Variants in ABCC11 observed in about 807,000 individuals in gnomAD.
ABCC11 encodes the protein ATP-binding cassette sub-family C member 11.
ABCC11 carries 135 observed loss-of-function variants against 149.3 expected under a neutral mutation model. The ratio of observed to expected loss-of-function variants is 0.90; its 90% CI spans 0.79 to 1.04. ABCC11 has a LOEUF of 1.04. Ranked by LOEUF, ABCC11 falls within the 50% of genes least tolerant of loss-of-function variation. The pLI, the probability that ABCC11 is intolerant of heterozygous loss-of-function variation, is 0.00. For synonymous variants in ABCC11, 665 were observed against 671.4 expected (o/e 0.99, Z 0.15); for missense variants, 1,680 against 1,722.1 (o/e 0.98, Z 0.43).
chr16:48,222,879 C>G, intron 5 of ABCC11, 48 bp from the exon 6 acceptor site: 1 of 1,488,066 alleles, frequency 6.7e-7, no homozygotes, highest in Non-Finnish European at 9.3e-7. Flanking sequence ...CTGCCAGACA[C>G]GTTTGATGTT....
intron 3 of ABCC11, among the ~76,000 whole-genome samples, chr16:48,230,177 T>C (rs531332797): frequency 1.5e-3 from 221 of 152,338 alleles, no homozygotes; most frequent in African/African-American, 5.0e-3. Flanking sequence ...AAAGATCACG[T>C]CTGTTTGCTC....
intron 19 of ABCC11, 124 bp from the exon 20 acceptor site, chr16:48,192,841 C>A (rs1045570755): frequency 2.0e-5 from 19 of 934,794 alleles, no homozygotes; most frequent in Non-Finnish European, 2.5e-5. Flanking sequence ...TTTGCCCAAA[C>A]CTCCCTGCTC....
chr16:48,225,870 TAAACAAA>T (rs1173958676), intron 4 of ABCC11, among the ~76,000 whole-genome samples: 1 of 152,194 alleles, frequency 6.6e-6, no homozygotes, highest in Non-Finnish European at 1.5e-5. Context: ...ATCTCATCTT[TAAACAAA>T]AAACAAAAAC....
At chr16:48,170,785 C>G in intron 27 of ABCC11, 104 bp downstream of exon 27, 3 of 1,087,940 alleles carry the variant, frequency 2.8e-6, no homozygotes, top group Non-Finnish European at 4.1e-6. Flanking sequence ...ATCCATGACC[C>G]GAAGCAGCAG....
intron 1 of ABCC11, among the ~76,000 whole-genome samples, chr16:48,234,786 C>G (rs1476531819): frequency 2.6e-5 from 4 of 152,104 alleles, no homozygotes; most frequent in Non-Finnish European, 5.9e-5. Context: ...GAGAACATCC[C>G]CAGGTGAGTG....
rs774423260 is a variant in ABCC11 at position 48,200,381 on chromosome 16, G to T, written c.1977C>A (p.Asp659Glu). The T allele has an allele frequency of 1.9e-6, 3 of 1,614,150 alleles. No homozygotes were observed. Among genetic ancestry groups the T allele is most frequent in the African/African-American group, 1.3e-5 (1 of 74,954 alleles). ...YSDRQIYLLD[D>E]PLSAVDAHVG... is the part of the protein sequence containing the mutation. ...CGTGGGCGTCCACAGCAGACAGGGG[G>T]TCGTCCAGCAGGTAGATCTGACGGT... is the stretch of plus-strand genomic sequence containing the variant. Residue 659 changes from aspartate to glutamate, a missense_variant, in exon 15 of 30, where the codon GAC (aspartate) becomes GAA (glutamate). By Grantham distance (45) the Asp-to-Glu change is conservative. Transcript: ENST00000356608.
chr16:48,230,066 G>T (rs369738390), intron 3 of ABCC11, among the ~76,000 whole-genome samples: 1 of 152,112 alleles, frequency 6.6e-6, no homozygotes, highest in African/African-American at 2.4e-5. Flanking sequence ...CTCAACACTC[G>T]CATACTTCTT....
intron 25 of ABCC11, among the ~76,000 whole-genome samples, chr16:48,176,470 G>C (rs1966078518): frequency 6.6e-6 from 1 of 152,084 alleles, no homozygotes; most frequent in Admixed American, 6.5e-5. Flanking sequence ...AGTCCAGGAA[G>C]GGGGTGGGGA....
At chr16:48,221,224 G>T (rs13334480) in intron 6 of ABCC11, among the ~76,000 whole-genome samples, 21,822 of 152,086 alleles carry the variant, frequency 0.14, 2,063 homozygotes, top group African/African-American at 0.28. Context: ...CACAAAGGGG[G>T]TTGGCTTAAA....
intron 20 of ABCC11, among the ~76,000 whole-genome samples, chr16:48,191,466 C>G (rs1966918319): frequency 1.3e-5 from 2 of 152,078 alleles, no homozygotes; most frequent in African/African-American, 2.4e-5. Context: ...CCCAGGAGGT[C>G]GAGACTGCAG....
At chr16:48,196,784 C>T (rs972818125) in intron 17 of ABCC11, among the ~76,000 whole-genome samples, 2 of 152,208 alleles carry the variant, frequency 1.3e-5, no homozygotes, top group Non-Finnish European at 1.5e-5. Flanking sequence ...CTGACACAAG[C>T]CCAGGTGGAC....
chr16:48,174,378 C>A (rs1174017637), intron 26 of ABCC11, among the ~76,000 whole-genome samples: 1 of 152,220 alleles, frequency 6.6e-6, no homozygotes, highest in African/African-American at 2.4e-5. Context: ...ATCCTCCTGG[C>A]TCTAAGAATT....
intron 23 of ABCC11, among the ~76,000 whole-genome samples, chr16:48,183,340 C>A (rs369908924): frequency 2.0e-5 from 3 of 152,252 alleles, no homozygotes; most frequent in Non-Finnish European, 4.4e-5. Flanking sequence ...GGACAGTGAA[C>A]CTTGGCCAGT....
chr16:48,205,487 G>T lies in ABCC11; in HGVS notation c.1731C>A (p.Val577=). The change falls in exon 13 of 30, where the codon GTC becomes GTA. Residue 577 remains valine (V), a synonymous_variant. Transcript: ENST00000356608. ...SVGVQGSLAY[V]PQQAWIVSGN... The stretch of plus-strand genomic sequence containing the variant: ...CGCTGACGATCCAGGCCTGCTGGGG[G>T]ACATAGGCCAGGCTTCCCTGCACCC... 6.2e-7 allele frequency: 1 copy of T among 1,614,170 alleles called. No homozygotes were observed. Among genetic ancestry groups the T allele is most frequent in the South Asian group, 1.1e-5 (1 of 91,072 alleles).
Position 48,184,531 on chromosome 16 carries a change from A to G in ABCC11, c.3167T>C (p.Leu1056Pro). ...MALRLEIMTNLVTLAVALFVA... is the reference protein window; with the variant it reads ...MALRLEIMTNPVTLAVALFVA... The stretch of plus-strand genomic sequence containing the variant: ...GAACAGGGCAACAGCCAAGGTCACA[A>G]GGTTGGTCATGATCTCCAGCCTCAA... The change falls in exon 23 of 30, where the codon CTT becomes CCT. Residue 1056 changes from leucine to proline, a missense_variant. Leu to Pro is a moderately conservative substitution (Grantham distance 98). Transcript: ENST00000356608. The G allele has an allele frequency of 3.1e-6, 5 of 1,614,264 alleles. No homozygotes were observed. Among genetic ancestry groups the G allele is most frequent in the Non-Finnish European group, 4.2e-6 (5 of 1,180,048 alleles).
chr16:48,225,614 A>T lies in ABCC11; in HGVS notation c.396-1185T>A, dbSNP rs1027235631. ...GAATTCCAGCCGTTTGGCAAAAAAA[A>T]ATGTAAGAGGTGATGAGTGTACTTC... On this transcript the variant is annotated intron_variant, in intron 4 of 29. Transcript: ENST00000356608. Among the ~76,000 whole-genome samples, 3 of 152,206 alleles carry T rather than the reference A, an allele frequency of 2.0e-5. No individual in the cohort carries two copies. In the East Asian group the frequency reaches 5.8e-4, roughly 29 times the overall value.
intron 1 of ABCC11, among the ~76,000 whole-genome samples, chr16:48,234,125 T>C (rs1368513255): frequency 6.6e-6 from 1 of 152,242 alleles, no homozygotes; most frequent in South Asian, 2.1e-4. Context: ...CCTATTTCTG[T>C]GGTGTAAACA....
intron 13 of ABCC11, among the ~76,000 whole-genome samples, chr16:48,205,037 G>T (rs946105656): frequency 3.9e-5 from 6 of 152,066 alleles, no homozygotes; most frequent in African/African-American, 1.4e-4. Flanking sequence ...TTTCACTTAG[G>T]GGCCAAGATT....
intron 10 of ABCC11, among the ~76,000 whole-genome samples, chr16:48,211,537 T>C (rs1596784664): frequency 6.6e-6 from 1 of 152,332 alleles, no homozygotes; most frequent in East Asian, 1.9e-4. Flanking sequence ...GATTGATGTT[T>C]TTCCAATTAA....
Sources: gnomAD v4.1 joint callset for allele counts (sites outside exome capture counted in the v4.1 genomes callset) on GRCh38, gnomAD v4.1.1 for gene constraint, MANE v1.5 for transcripts, NCBI Gene and HGNC (gene_info 2026-07-23, HGNC 2026-07-21) for gene names.